The following PPARGC1A variants were observed in gnomAD, a reference collection of about 807,000 sequenced individuals.
PPARGC1A encodes the protein peroxisome proliferator-activated receptor gamma coactivator 1-alpha.
A neutral mutation model predicts 88.7 loss-of-function variants in PPARGC1A; 25 were observed. The observed-to-expected ratio is 0.28, with a 90% CI of 0.21 to 0.39. The LOEUF (loss-of-function observed/expected upper bound fraction) is 0.39, where lower values mean the gene tolerates loss of function less well. Ranked by LOEUF, PPARGC1A falls within the 10% of genes least tolerant of loss-of-function variation. The pLI is 1.00. For missense variants in PPARGC1A, 880 were observed against 968.7 expected, an observed-to-expected ratio of 0.91 and a Z score of 1.22; for synonymous variants, 363 against 355.6, an observed-to-expected ratio of 1.02 and a Z score of -0.24.
At chr4:23,993,832 A>G in the PPARGC1A span, among the ~76,000 whole-genome samples, 1 of 152,260 alleles carries the variant, frequency 6.6e-6, no homozygotes, top group East Asian at 1.9e-4. Context: ...TTTCCTAAAC[A>G]GCACAGTAAA....
the PPARGC1A span, among the ~76,000 whole-genome samples, chr4:24,100,151 C>T: frequency 1.3e-5 from 2 of 152,008 alleles, no homozygotes; most frequent in Non-Finnish European, 2.9e-5. Flanking sequence ...AATCTCAGGC[C>T]CCACTCCAGA....
intron 2 of PPARGC1A, among the ~76,000 whole-genome samples, chr4:23,873,176 C>T (rs759823256): frequency 1.9e-4 from 24 of 127,864 alleles, no homozygotes; most frequent in African/African-American, 3.8e-4. Flanking sequence ...CCAGCCGGGG[C>T]GACAGAGCGA....
the PPARGC1A span, among the ~76,000 whole-genome samples, chr4:24,415,511 T>C: frequency 1.1e-4 from 17 of 152,078 alleles, no homozygotes; most frequent in Admixed American, 9.8e-4. Flanking sequence ...CTAGAGGGGA[T>C]GGGGCAGAGT....
intron 2 of PPARGC1A, among the ~76,000 whole-genome samples, chr4:23,833,998 C>T (rs1322827898): frequency 6.6e-6 from 1 of 151,958 alleles, no homozygotes; most frequent in Non-Finnish European, 1.5e-5. Flanking sequence ...AACCTCGTCT[C>T]TATTAAAAAT....
the PPARGC1A span, among the ~76,000 whole-genome samples, chr4:24,364,168 T>C: frequency 9.2e-5 from 14 of 152,164 alleles, no homozygotes; most frequent in Admixed American, 5.2e-4. Context: ...CTCACAGGAA[T>C]GGAAAGAGAA....
At chr4:24,004,982 T>C in the PPARGC1A span, among the ~76,000 whole-genome samples, 995 of 152,244 alleles carry the variant, frequency 6.5e-3, 8 homozygotes, top group African/African-American at 0.023. Context: ...ATCCCTTTTT[T>C]CCCAAGGGCT....
chr4:24,342,038 C>A, the PPARGC1A span, among the ~76,000 whole-genome samples: 1 of 152,116 alleles, frequency 6.6e-6, no homozygotes, highest in Non-Finnish European at 1.5e-5. Flanking sequence ...ACATCCATGC[C>A]CAACTTGTTT....
At chr4:24,354,297 A>T in the PPARGC1A span, among the ~76,000 whole-genome samples, 44 of 152,258 alleles carry the variant, frequency 2.9e-4, no homozygotes, top group South Asian at 8.9e-3. Flanking sequence ...TGTAATCTTA[A>T]TCATATCTGC....
the PPARGC1A span, among the ~76,000 whole-genome samples, chr4:24,315,628 C>T: frequency 1.3e-5 from 2 of 152,132 alleles, no homozygotes; most frequent in Admixed American, 6.5e-5. Flanking sequence ...TTTGTCCCAC[C>T]CCAGAGGACA....
the PPARGC1A span, among the ~76,000 whole-genome samples, chr4:24,405,835 T>C: frequency 6.6e-6 from 1 of 152,146 alleles, no homozygotes; most frequent in Non-Finnish European, 1.5e-5. Flanking sequence ...CTTCTACATG[T>C]TTTCTTCACT....
chr4:24,291,897 T>C, the PPARGC1A span, among the ~76,000 whole-genome samples: 1 of 152,080 alleles, frequency 6.6e-6, no homozygotes, highest in Non-Finnish European at 1.5e-5. Context: ...ATAAGTGAAT[T>C]CGAAGAGAAA....
At chr4:23,967,193 AG>A in the PPARGC1A span, among the ~76,000 whole-genome samples, 1 of 152,156 alleles carries the variant, frequency 6.6e-6, no homozygotes, top group African/African-American at 2.4e-5. Flanking sequence ...CACCCCTAAA[AG>A]CCTACACTCT....
At chr4:24,321,159 C>T in the PPARGC1A span, among the ~76,000 whole-genome samples, 1 of 152,156 alleles carries the variant, frequency 6.6e-6, no homozygotes, top group East Asian at 1.9e-4. Context: ...ATTAAATTTG[C>T]CGGTGTCGAT....
intron 2 of PPARGC1A, among the ~76,000 whole-genome samples, chr4:23,860,243 C>A (rs1260025447): frequency 1.4e-5 from 2 of 143,306 alleles, no homozygotes; most frequent in Non-Finnish European, 3.0e-5. Flanking sequence ...CTGCACCCAG[C>A]CCAGGCAACA....
chr4:24,329,498 T>A, the PPARGC1A span, among the ~76,000 whole-genome samples: 1 of 152,016 alleles, frequency 6.6e-6, no homozygotes, highest in Non-Finnish European at 1.5e-5. Context: ...CCCAATTTCC[T>A]CTCCACCTTC....
At chr4:24,425,063 T>G in the PPARGC1A span, among the ~76,000 whole-genome samples, 1 of 152,238 alleles carries the variant, frequency 6.6e-6, no homozygotes, top group African/African-American at 2.4e-5. Flanking sequence ...AACACATTGA[T>G]TTAAACCTTC....
At chr4:23,914,587 G>C in the PPARGC1A span, among the ~76,000 whole-genome samples, 1 of 152,184 alleles carries the variant, frequency 6.6e-6, no homozygotes, top group Non-Finnish European at 1.5e-5. Context: ...ACACAAATGT[G>C]TTGAGAATGT....
chr4:23,905,852 C>A (rs1412450909), upstream of PPARGC1A, among the ~76,000 whole-genome samples: 3 of 152,128 alleles, frequency 2.0e-5, no homozygotes, highest in African/African-American at 7.2e-5. Flanking sequence ...TCAGGCTATG[C>A]AGAAAAATAG....
chr4:24,248,134 CTTTTTTT>C, the PPARGC1A span, among the ~76,000 whole-genome samples: 4 of 151,630 alleles, frequency 2.6e-5, no homozygotes, highest in African/African-American at 4.8e-5. Context: ...TTTCTTTTTT[CTTTTTTT>C]TGAAATGGAG....
Sources: gnomAD v4.1 joint callset for allele counts (sites outside exome capture counted in the v4.1 genomes callset) on GRCh38, gnomAD v4.1.1 for gene constraint, MANE v1.5 for transcripts, NCBI Gene and HGNC (gene_info 2026-07-23, HGNC 2026-07-21) for gene names.